The following CD4 variants were observed in gnomAD, a reference collection of about 807,000 sequenced individuals.
CD4 encodes the protein T-cell surface glycoprotein CD4.
A neutral mutation model predicts 50.5 loss-of-function variants in CD4; 25 were observed. The ratio of observed to expected loss-of-function variants is 0.49; its 90% CI spans 0.36 to 0.69. The LOEUF (loss-of-function observed/expected upper bound fraction) is 0.69. CD4 is among the 30% of genes least tolerant of loss of function. The pLI, the probability that CD4 is intolerant of heterozygous loss-of-function variation, is 0.00. For missense variants in CD4, 456 were observed against 548.5 expected (o/e 0.83, Z 1.68); for synonymous variants, 207 against 221.9 (o/e 0.93, Z 0.60).
chr12:6,814,888 C>A lies in CD4; in HGVS notation c.503C>A (p.Thr168Asn). Residue 168 changes from threonine to asparagine, a missense_variant, in exon 5 of 10, where the codon ACC (threonine) becomes AAC (asparagine). Thr to Asn is a moderately conservative substitution (Grantham distance 65, BLOSUM62 0). Coordinates refer to ENST00000011653, the MANE Select transcript of CD4 (RefSeq NM_000616.5). ...GGTAAAAACATACAGGGGGGGAAGACCCTCTCCGTGTCTCAGCTGGAGCTC... is the reference window on the plus strand; with the variant it reads ...GGTAAAAACATACAGGGGGGGAAGAACCTCTCCGTGTCTCAGCTGGAGCTC... ...PRGKNIQGGK[T>N]LSVSQLELQD... 1 of 1,613,502 alleles carries A rather than the reference C, an allele frequency of 6.2e-7. No individual in the cohort carries two copies. Among genetic ancestry groups the A allele is most frequent in the Non-Finnish European group, 8.5e-7 (1 of 1,179,660 alleles).
intron 1 of CD4, among the ~76,000 whole-genome samples, chr12:6,794,786 G>GTTTTTTTTTTTTTT (rs1220016459): frequency 9.5e-6 from 1 of 105,370 alleles, no homozygotes; most frequent in Non-Finnish European, 1.9e-5. Context: ...TTTTTTTTTT[G>GTTTTTTTTTTTTTT]TTTTTTTTTT....
intron 1 of CD4, among the ~76,000 whole-genome samples, chr12:6,794,402 C>T (rs1267205311): frequency 2.7e-5 from 4 of 147,480 alleles, no homozygotes; most frequent in Admixed American, 6.9e-5. Flanking sequence ...GATGGAGTCT[C>T]GCTCTGTTGC....
Position 6,819,667 on chromosome 12 carries a change from TG to T in CD4, c.*341del, listed in dbSNP as rs1943218744. On this transcript the variant is annotated 3_prime_UTR_variant, in exon 10 of 10. Transcript: ENST00000011653. The stretch of plus-strand genomic sequence containing the variant: ...CCCTGGCTGGCATGGAGGGTGAGGC[TG>T]GGTGTCTGGAAGCATGGAGCATGGG... 1 of 346,332 alleles carries T rather than the reference TG, an allele frequency of 2.9e-6. No individual in the cohort carries two copies. Among genetic ancestry groups the T allele is most frequent in the African/African-American group, 2.1e-5 (1 of 47,164 alleles). The allele number at this position is 346,332 out of a possible 1,614,324, so 21.5% of individuals were successfully genotyped here.
At chr12:6,810,953 G>T (rs1323373768) in intron 3 of CD4, among the ~76,000 whole-genome samples, 1 of 152,116 alleles carries the variant, frequency 6.6e-6, no homozygotes, top group Non-Finnish European at 1.5e-5. Flanking sequence ...CTCTGAGGAA[G>T]CTTGGGGCAA....
At position 6,818,817 on chromosome 12, in the gene CD4, C is replaced by A; in HGVS notation, c.1279-30C>A. 1 of 1,604,676 alleles carries A rather than the reference C, an allele frequency of 6.2e-7. No individual in the cohort carries two copies. Among genetic ancestry groups the A allele is most frequent in the Non-Finnish European group, 8.5e-7 (1 of 1,171,382 alleles). On this transcript the variant is annotated intron_variant, in intron 8 of 9. Transcript: ENST00000011653. This position sits in a 1 kb window ranked among gnomAD's most constrained non-coding sequence, Gnocchi z 5.0. ...ACCTCCCTTCTGGAGGCCTGGGACC[C>A]TCGTGACTCCCTTTCTTGTCCCTGG...
At position 6,792,352 on chromosome 12, in the gene CD4, G is replaced by A. The variant is rs1052121671; in HGVS notation, c.-68+2690G>A. Reference sequence around the variant, plus strand: ...GTGCGTGGTGTGTGTTGCCATTTTGGTCTCTTCTCTTTCTCAGTCTCTCTT... The same window carrying A: ...GTGCGTGGTGTGTGTTGCCATTTTGATCTCTTCTCTTTCTCAGTCTCTCTT... On this transcript the variant is annotated intron_variant, in intron 1 of 9. Transcript: ENST00000011653. This position sits in a 1 kb window ranked among gnomAD's most constrained non-coding sequence, Gnocchi z 4.1. Among the ~76,000 whole-genome samples, 1 of 152,104 alleles carries A rather than the reference G, an allele frequency of 6.6e-6. No homozygotes were observed. The highest frequency in any genetic ancestry group is 6.5e-5 in the Admixed American group (1 of 15,280).
chr12:6,809,136 G>A (rs782625099), intron 3 of CD4, among the ~76,000 whole-genome samples: 1 of 152,016 alleles, frequency 6.6e-6, no homozygotes, highest in African/African-American at 2.4e-5. Context: ...ACAGAGTCAT[G>A]TTTTTTTCTC....
Position 6,800,112 on chromosome 12 carries a change from G to T in CD4, c.-27G>T, listed in dbSNP as rs200065142. ...TGGGCTCAGGTCCCTACTGGCTCAG[G>T]CCCCTGCCTCCCTCGGCAAGGCCAC... On this transcript the variant is annotated 5_prime_UTR_variant, in exon 2 of 10. Coordinates refer to ENST00000011653, the MANE Select transcript of CD4 (RefSeq NM_000616.5). 2 of 1,612,590 alleles carry T rather than the reference G, an allele frequency of 1.2e-6. No individual in the cohort carries two copies. Among genetic ancestry groups the T allele is most frequent in the Non-Finnish European group, 1.7e-6 (2 of 1,178,992 alleles).
Position 6,819,814 on chromosome 12 carries a change from T to A in CD4, c.*485T>A, listed in dbSNP as rs1277820794. 1 of 168,524 alleles carries A rather than the reference T, an allele frequency of 5.9e-6. No homozygotes were observed. The highest frequency in any genetic ancestry group is 1.3e-5 in the Non-Finnish European group (1 of 78,614). The allele number at this position is 168,524 out of a possible 1,614,324, so 10.4% of individuals were successfully genotyped here. ...GAGGTTTCTGGCAGCCAGTACCTCC[T>A]GCCCCATGCTGCCCGCTTCTCACCC... On this transcript the variant is annotated 3_prime_UTR_variant, in exon 10 of 10. Coordinates refer to ENST00000011653, the MANE Select transcript of CD4 (RefSeq NM_000616.5).
intron 3 of CD4, among the ~76,000 whole-genome samples, chr12:6,802,746 CTTTTTTTT>C (rs1942601884): frequency 2.0e-5 from 3 of 151,296 alleles, no homozygotes; most frequent in Admixed American, 2.0e-4. Context: ...GACTTTTTTT[CTTTTTTTT>C]GAGACGGAGT....
chr12:6,814,694 C>T lies in CD4; in HGVS notation c.374-65C>T, dbSNP rs934703500. 59 of 1,188,754 alleles carry T rather than the reference C, an allele frequency of 5.0e-5. No homozygotes were observed. The East Asian group carries it at 1.4e-3, about 27-fold the overall frequency. The allele number at this position is 1,188,754 out of a possible 1,614,324, so 73.6% of individuals were successfully genotyped here. ...GATAATGGAGAGATGTTGTTGGTTT[C>T]CTGTTGTCTGCCCTTCTCCTTGGGG... is the stretch of plus-strand genomic sequence containing the variant. On this transcript the variant is annotated intron_variant, in intron 4 of 9. Coordinates refer to ENST00000011653, the MANE Select transcript of CD4 (RefSeq NM_000616.5).
At chr12:6,813,865 A>C (rs1943010072) in intron 3 of CD4, among the ~76,000 whole-genome samples, 1 of 152,170 alleles carries the variant, frequency 6.6e-6, no homozygotes, top group East Asian at 1.9e-4. Context: ...ATTATTGTGG[A>C]GATTACTGAG....
Position 6,820,175 on chromosome 12 carries a change from T to G in CD4, c.*846T>G, listed in dbSNP as rs1555118825. ...GCTCTCACCAGTGGCTAGTGGTGGGTACTCAATGTGTACTTTTGGGTTCAC... is the reference window on the plus strand; with the variant it reads ...GCTCTCACCAGTGGCTAGTGGTGGGGACTCAATGTGTACTTTTGGGTTCAC... On this transcript the variant is annotated 3_prime_UTR_variant, in exon 10 of 10. Coordinates refer to ENST00000011653, the MANE Select transcript of CD4 (RefSeq NM_000616.5). 2 of 152,102 alleles carry G rather than the reference T, an allele frequency of 1.3e-5. No homozygotes were observed. Among genetic ancestry groups the G allele is most frequent in the Non-Finnish European group, 2.9e-5 (2 of 68,018 alleles). 9.4% of individuals were successfully genotyped at this position (152,102 alleles called of 1,614,324 possible).
rs903424784 is a variant in CD4 at position 6,800,404 on chromosome 12, A to G, written c.147A>G (p.Ile49Met). The stretch of plus-strand genomic sequence containing the variant: ...GTACAGCTTCCCAGAAGAAGAGCAT[A>G]CAATTCCACTGGAAAAACTCCAACC... ...LTCTASQKKS[I>M]QFHWKNSNQI... The change falls in exon 3 of 10, where the codon ATA becomes ATG. Residue 49 changes from isoleucine to methionine, a missense_variant. Coordinates refer to ENST00000011653, the MANE Select transcript of CD4 (RefSeq NM_000616.5). 5 of 1,614,116 alleles carry G rather than the reference A, an allele frequency of 3.1e-6. No individual in the cohort carries two copies. In the Admixed American group the frequency reaches 8.3e-5, roughly 27 times the overall value.
chr12:6,814,482 C>T (rs371009754), intron 4 of CD4, 182 bp downstream of exon 4: 27 of 675,844 alleles, frequency 4.0e-5, no homozygotes, highest in South Asian at 2.0e-4. Context: ...TGCTGGTGGG[C>T]GGAGGAGGGA....
At chr12:6,795,263 T>G (rs79232702) in intron 1 of CD4, among the ~76,000 whole-genome samples, 1 of 151,896 alleles carries the variant, frequency 6.6e-6, no homozygotes, top group African/African-American at 2.4e-5. Context: ...ATCTAATCTG[T>G]CTATCTAATC....
intron 5 of CD4, chr12:6,815,220 C>A: frequency 1.9e-6 from 1 of 532,982 alleles, no homozygotes; most frequent in Non-Finnish European, 3.3e-6. Flanking sequence ...AAAGGAAAGG[C>A]TGGGGAAGGT....
intron 1 of CD4, among the ~76,000 whole-genome samples, chr12:6,793,691 TCTATCTATCTATC>T (rs778637380): frequency 0.11 from 11,980 of 110,174 alleles, 808 homozygotes; most frequent in East Asian, 0.35. Flanking sequence ...TATCTATCTA[TCTATCTATCTATC>T]TTTTTTTTTT....
At chr12:6,806,182 CATACACAAGT>C (rs67543843) in intron 3 of CD4, among the ~76,000 whole-genome samples, 956 of 79,998 alleles carry the variant, frequency 0.012, 13 homozygotes, top group Middle Eastern at 0.04. Flanking sequence ...CACACACACA[CATACACAAGT>C]ATATACACAT....
Sources: allele counts gnomAD v4.1 joint callset (sites outside exome capture counted in the v4.1 genomes callset), GRCh38; gene constraint gnomAD v4.1.1; non-coding constraint Gnocchi (gnomAD v3.1); transcripts MANE v1.5; gene names NCBI Gene and HGNC (gene_info 2026-07-23, HGNC 2026-07-21).